Variants in ANKS1A observed in about 807,000 individuals in gnomAD.
ANKS1A encodes ankyrin repeat and sterile alpha motif domain containing 1A, also known as ankyrin repeat and SAM domain-containing protein 1A.
In ANKS1A, 55 loss-of-function variants were observed where a neutral mutation model predicts 120.3. The observed-to-expected ratio is 0.46, with a 90% CI of 0.37 to 0.57. The LOEUF (loss-of-function observed/expected upper bound fraction) is 0.57. ANKS1A is among the 20% of genes least tolerant of loss of function. The pLI, the probability that ANKS1A is intolerant of heterozygous loss-of-function variation, is 0.00. For synonymous variants in ANKS1A, 590 were observed against 604.7 expected (o/e 0.98, Z 0.36); for missense variants, 1,123 against 1,480.3 (o/e 0.76, Z 3.96).
At chr6:35,039,665 G>A (rs1408643095) in intron 11 of ANKS1A, 1 of 455,834 alleles carries the variant, frequency 2.2e-6, no homozygotes, top group Non-Finnish European at 4.4e-6. Context: ...CTGCACAGAA[G>A]CCATTCTCCT....
chr6:35,088,965 T>A lies in ANKS1A; in HGVS notation c.*356T>A, dbSNP rs144667567. The stretch of plus-strand genomic sequence containing the variant: ...GTCATACTGCCAATCTTTAGACAAA[T>A]GGCCATGGGGCAGAGGACAGGGGAG... On this transcript the variant is annotated 3_prime_UTR_variant, in exon 24 of 24. Coordinates refer to ENST00000360359, the MANE Select transcript of ANKS1A (RefSeq NM_015245.3). 8.1e-7 allele frequency: 1 copy of A among 1,232,014 alleles called. No homozygotes were observed. Among genetic ancestry groups the A allele is most frequent in the East Asian group, 4.3e-5 (1 of 23,022 alleles). The allele number at this position is 1,232,014 out of a possible 1,614,324, so 76.3% of individuals were successfully genotyped here.
chr6:34,959,040 C>T (rs148449759), intron 1 of ANKS1A, among the ~76,000 whole-genome samples: 1 of 152,314 alleles, frequency 6.6e-6, no homozygotes, highest in African/African-American at 2.4e-5. Context: ...GATGCCATTA[C>T]TTGTCTGTGT....
rs1042359294 is a variant in ANKS1A, at chr6:35,085,956, C to T, written c.3303+20C>T. 1 of 1,577,814 alleles carries T rather than the reference C, an allele frequency of 6.3e-7. No individual in the cohort carries two copies. Among genetic ancestry groups the T allele is most frequent in the South Asian group, 1.2e-5 (1 of 86,326 alleles). On this transcript the variant is annotated intron_variant, in intron 22 of 23. Coordinates refer to ENST00000360359, the MANE Select transcript of ANKS1A (RefSeq NM_015245.3). This position sits in a 1 kb window ranked among gnomAD's most constrained non-coding sequence, Gnocchi z 4.7. ...TCCGCAGTACGTGGGCCCCACTGGC[C>T]AAGATCCCCCTCTCCCTGGCCCCAG...
chr6:34,932,543 C>A (rs1018079323), intron 1 of ANKS1A, among the ~76,000 whole-genome samples: 1 of 151,922 alleles, frequency 6.6e-6, no homozygotes, highest in Non-Finnish European at 1.5e-5. Flanking sequence ...CATCACCACA[C>A]CTGGCTAATT....
Position 35,082,352 on chromosome 6 carries a change from A to T in ANKS1A, c.2710-339A>T, listed in dbSNP as rs1017873385. On this transcript the variant is annotated intron_variant, in intron 17 of 23. Transcript: ENST00000360359. The surrounding 1 kb of genome is among the most constrained non-coding windows in gnomAD (Gnocchi z 4.1). ...CTGTTCTCTCCTTTGGTCTTTGTGC[A>T]GAACAGCCTGGCAGCCTGTGCCCCC... Among the ~76,000 whole-genome samples the T allele has an allele frequency of 2.6e-5, 4 of 152,036 alleles. No individual in the cohort carries two copies. The highest frequency in any genetic ancestry group is 9.7e-5 in the African/African-American group (4 of 41,390).
intron 10 of ANKS1A, among the ~76,000 whole-genome samples, chr6:35,015,498 C>CA (rs200854137): frequency 0.072 from 10,683 of 148,032 alleles, 419 homozygotes; most frequent in African/African-American, 0.092. Context: ...GACTTGGTCT[C>CA]AAAAAAAAAA....
chr6:34,910,819 C>A lies in ANKS1A; in HGVS notation c.197+21220C>A, dbSNP rs542998633. ...GAGGTTGCAGTGAGCCGAGATTGCA[C>A]CACTGCACTCCAGCCTGGGTGACAG... On this transcript the variant is annotated intron_variant, in intron 1 of 23. Coordinates refer to ENST00000360359, the MANE Select transcript of ANKS1A (RefSeq NM_015245.3). Among the ~76,000 whole-genome samples the A allele has an allele frequency of 1.9e-4, 28 of 149,756 alleles. 1 individual carries two copies. In the South Asian group the frequency reaches 5.1e-3, roughly 27 times the overall value.
At chr6:35,035,361 T>G (rs1775112324) in intron 11 of ANKS1A, among the ~76,000 whole-genome samples, 1 of 152,242 alleles carries the variant, frequency 6.6e-6, no homozygotes, top group Admixed American at 6.5e-5. Flanking sequence ...ACTGTTTGGC[T>G]TTGTTTTACC....
intron 16 of ANKS1A, 103 bp downstream of exon 16, chr6:35,080,031 G>C: frequency 7.6e-7 from 1 of 1,311,268 alleles, no homozygotes; most frequent in South Asian, 1.3e-5. Context: ...TAGTGTAGGA[G>C]AAAGCAGCTC....
At chr6:34,941,594 G>T (rs1769539944) in intron 1 of ANKS1A, among the ~76,000 whole-genome samples, 1 of 152,112 alleles carries the variant, frequency 6.6e-6, no homozygotes, top group Admixed American at 6.5e-5. Context: ...GACATTAATT[G>T]AGTTTTTATA....
chr6:35,064,693 T>C (rs1776680101), intron 13 of ANKS1A, among the ~76,000 whole-genome samples: 1 of 152,136 alleles, frequency 6.6e-6, no homozygotes, highest in African/African-American at 2.4e-5. Context: ...CCTTTTGCCT[T>C]CTTCTGCCCC....
In ANKS1A at chr6:34,895,063, A is replaced by G. The variant is rs367606395; in HGVS notation, c.197+5464A>G. Among the ~76,000 whole-genome samples the G allele has an allele frequency of 8.5e-5, 13 of 152,312 alleles. No individual in the cohort carries two copies. In the East Asian group the frequency reaches 2.5e-3, roughly 29 times the overall value. On this transcript the variant is annotated intron_variant, in intron 1 of 23. Coordinates refer to ENST00000360359, the MANE Select transcript of ANKS1A (RefSeq NM_015245.3). ...GATGTGAAAATGTTCTGAAATAAGGAATGAAGCATGAAAAATTTTGAAAAA... is the reference window on the plus strand; with the variant it reads ...GATGTGAAAATGTTCTGAAATAAGGGATGAAGCATGAAAAATTTTGAAAAA...
At chr6:35,094,440 G>GAA (rs35902442), downstream of ANKS1A, among the ~76,000 whole-genome samples, 3,702 of 118,832 alleles carry the variant, frequency 0.031, 58 homozygotes, top group Middle Eastern at 0.071. Flanking sequence ...ACTTCGTCTG[G>GAA]AAAAAAAAAA....
intron 13 of ANKS1A, among the ~76,000 whole-genome samples, chr6:35,075,684 G>T (rs1321163357): frequency 6.6e-6 from 1 of 152,110 alleles, no homozygotes; most frequent in Non-Finnish European, 1.5e-5. Context: ...AAAGTGCTGG[G>T]ATTACAGGCC....
At chr6:34,992,855 A>G (rs774661418) in intron 9 of ANKS1A, among the ~76,000 whole-genome samples, 1 of 152,218 alleles carries the variant, frequency 6.6e-6, no homozygotes, top group Non-Finnish European at 1.5e-5. Context: ...TTTCTTGTTT[A>G]GTCTGACGCT....
chr6:34,988,287 C>T (rs530623089), intron 8 of ANKS1A, among the ~76,000 whole-genome samples: 2 of 152,310 alleles, frequency 1.3e-5, no homozygotes, highest in Admixed American at 1.3e-4. Context: ...TAAAAAGCTT[C>T]TTTTCCTTTT....
chr6:34,977,164 AGTT>A (rs771088428), intron 3 of ANKS1A, among the ~76,000 whole-genome samples: 1 of 152,142 alleles, frequency 6.6e-6, no homozygotes, highest in Non-Finnish European at 1.5e-5. Flanking sequence ...AGCACAGGGC[AGTT>A]GTTTTGTATA....
chr6:35,088,390 G>A (rs1778109777), intron 23 of ANKS1A, among the ~76,000 whole-genome samples: 1 of 152,188 alleles, frequency 6.6e-6, no homozygotes, highest in African/African-American at 2.4e-5. Flanking sequence ...GGTGGGTCCT[G>A]CGTACCCACC....
chr6:35,056,995 G>T (rs920037980), intron 12 of ANKS1A, among the ~76,000 whole-genome samples: 1 of 152,012 alleles, frequency 6.6e-6, no homozygotes, highest in African/African-American at 2.4e-5. Context: ...TCCTTGGGTT[G>T]GGCGTCAGGA....
Sources: gnomAD v4.1 joint callset for allele counts (sites outside exome capture counted in the v4.1 genomes callset) on GRCh38, gnomAD v4.1.1 for gene constraint, Gnocchi (gnomAD v3.1) non-coding constraint, MANE v1.5 for transcripts, NCBI Gene and HGNC (gene_info 2026-07-23, HGNC 2026-07-21) for gene names.